The following CHD5 variants were observed in gnomAD, a reference collection of about 807,000 sequenced individuals.
CHD5 encodes the protein chromodomain helicase DNA binding protein 5.
In CHD5, 69 loss-of-function variants were observed where a neutral mutation model predicts 230.3. That is an observed-to-expected ratio of 0.30 (90% CI 0.25 to 0.37). The LOEUF is 0.37. Among genes scored for constraint, CHD5 ranks in the 10% least tolerant of loss-of-function variants. CHD5 has a pLI of 1.00. For missense variants in CHD5, 1,827 were observed against 2,622.8 expected, an observed-to-expected ratio of 0.70 and a Z score of 6.63; for synonymous variants, 1,064 against 1,065.9, an observed-to-expected ratio of 1.00 and a Z score of 0.03.
At position 6,102,743 on chromosome 1, in the gene CHD5, G is replaced by C. The variant is rs1448341024; in HGVS notation, c.*2731C>G. The stretch of plus-strand genomic sequence containing the variant: ...GAGGACTTCAATCATAGGGGGCAGG[G>C]AAAGTCCAGCCTGCCCCTGGGGGAA... On this transcript the variant is annotated 3_prime_UTR_variant, in exon 42 of 42. Coordinates refer to ENST00000262450, the MANE Select transcript of CHD5 (RefSeq NM_015557.3). 6.6e-6 allele frequency: 1 copy of C among 151,504 alleles called. No individual in the cohort carries two copies. Among genetic ancestry groups the C allele is most frequent in the Non-Finnish European group, 1.5e-5 (1 of 67,808 alleles). The allele number at this position is 151,504 out of a possible 1,614,324, so 9.4% of individuals were successfully genotyped here. A position where few individuals can be genotyped will look rare whatever the true frequency, so the allele number is the denominator to read the frequency against.
chr1:6,174,825 G>A (rs1028654211), intron 1 of CHD5, among the ~76,000 whole-genome samples: 6 of 148,454 alleles, frequency 4.0e-5, no homozygotes, highest in Non-Finnish European at 6.0e-5. Flanking sequence ...GAGGATGGAC[G>A]GATGGATAAA....
At position 6,125,644 on chromosome 1, in the gene CHD5, G is replaced by A. The variant is rs370458565; in HGVS notation, c.4172-32C>T. 829 of 1,612,254 alleles carry A rather than the reference G, an allele frequency of 5.1e-4. 20 individuals carry two copies. In the South Asian group the frequency reaches 8.7e-3, roughly 17 times the overall value. On this transcript the variant is annotated intron_variant, in intron 27 of 41. Coordinates refer to ENST00000262450, the MANE Select transcript of CHD5 (RefSeq NM_015557.3). This position sits in a 1 kb window ranked among gnomAD's most constrained non-coding sequence, Gnocchi z 6.7. ...AGCAGCCCGCCACAGTTCCTCAGGTGGGAGCCCAGAGATTCCTGATCCCCA... is the reference window on the plus strand; with the variant it reads ...AGCAGCCCGCCACAGTTCCTCAGGTAGGAGCCCAGAGATTCCTGATCCCCA...
chr1:6,142,701 C>T lies in CHD5; in HGVS notation c.2044-96G>A, dbSNP rs564911801. The T allele has an allele frequency of 4.8e-6, 6 of 1,259,360 alleles. No individual in the cohort carries two copies. Among genetic ancestry groups the T allele is most frequent in the Non-Finnish European group, 6.6e-6 (6 of 912,456 alleles). The allele number at this position is 1,259,360 out of a possible 1,614,324, so 78.0% of individuals were successfully genotyped here. A position where few individuals can be genotyped will look rare whatever the true frequency, so the allele number is the denominator to read the frequency against. On this transcript the variant is annotated intron_variant, in intron 13 of 41. Transcript: ENST00000262450. This position sits in a 1 kb window ranked among gnomAD's most constrained non-coding sequence, Gnocchi z 5.2. ...CACATGCAATTCCTTCTGCCTGGAA[C>T]ACTCTTCCCACTCCTGTCTGTCTTC...
intron 30 of CHD5, among the ~76,000 whole-genome samples, 184 bp downstream of exon 30, chr1:6,124,333 C>T (rs182230890): frequency 6.8e-6 from 1 of 147,570 alleles, no homozygotes; most frequent in East Asian, 2.1e-4. Context: ...ACCATCCTGG[C>T]CTCCACCCCA....
Position 6,145,159 on chromosome 1 carries a change from G to A in CHD5, c.1803-1004C>T, listed in dbSNP as rs138368276. Among the ~76,000 whole-genome samples, 140 of 152,222 alleles carry A rather than the reference G, an allele frequency of 9.2e-4. 2 individuals carry two copies. In the East Asian group the frequency reaches 0.021, roughly 23 times the overall value. Reference sequence around the variant, plus strand: ...GAAGGGGGGCAGTTTTTCAAATTCCGCGACCCTCGTACTGAAGACCACCCA... The same window carrying A: ...GAAGGGGGGCAGTTTTTCAAATTCCACGACCCTCGTACTGAAGACCACCCA... On this transcript the variant is annotated intron_variant, in intron 11 of 41. Coordinates refer to ENST00000262450, the MANE Select transcript of CHD5 (RefSeq NM_015557.3).
In CHD5 at chr1:6,148,681, A is replaced by G. The variant is rs193266365; in HGVS notation, c.1383+173T>C. On this transcript the variant is annotated intron_variant, in intron 9 of 41. Transcript: ENST00000262450. Reference sequence around the variant, plus strand: ...ACGCGGAGAAGGGCGCGAGGAAGCTATTGTGGACGGGGTCTCGAGCAGCGC... The same window carrying G: ...ACGCGGAGAAGGGCGCGAGGAAGCTGTTGTGGACGGGGTCTCGAGCAGCGC... Among the ~76,000 whole-genome samples, 119 of 152,078 alleles carry G rather than the reference A, an allele frequency of 7.8e-4. 1 individual carries two copies. Among genetic ancestry groups the G allele is most frequent in the African/African-American group, 2.7e-3 (113 of 41,502 alleles).
intron 9 of CHD5, among the ~76,000 whole-genome samples, chr1:6,147,404 G>C (rs543778708): frequency 6.6e-6 from 1 of 152,178 alleles, no homozygotes; most frequent in Non-Finnish European, 1.5e-5. Context: ...GTGCGTCTAG[G>C]CTGGGACAAT....
intron 5 of CHD5, among the ~76,000 whole-genome samples, chr1:6,153,648 G>A (rs190267890): frequency 9.2e-5 from 14 of 152,232 alleles, no homozygotes; most frequent in Non-Finnish European, 1.5e-4. Flanking sequence ...TGGCCAACAC[G>A]GTGAAACCCC....
chr1:6,130,318 G>A lies in CHD5; in HGVS notation c.3273C>T (p.Ala1091=). ...EAIDRFNAPG[A]QQFCFLLSTR... is the part of the protein sequence containing the mutation. ...TTGAGAGGAGGAAGCAGAACTGCTG[G>A]GCCCCGGGGGCTGAAAAAGAGAGGC... The change falls in exon 22 of 42, where the codon GCC becomes GCT. Residue 1091 remains alanine, a synonymous_variant. Transcript: ENST00000262450. The surrounding 1 kb of genome is among the most constrained non-coding windows in gnomAD (Gnocchi z 4.9). 3 of 1,613,784 alleles carry A rather than the reference G, an allele frequency of 1.9e-6. No individual in the cohort carries two copies. The highest frequency in any genetic ancestry group is 2.5e-6 in the Non-Finnish European group (3 of 1,179,878).
rs772836833 is a variant in CHD5, at chr1:6,134,679, G to A, written c.3012+39C>T. The A allele has an allele frequency of 5.6e-6, 9 of 1,602,436 alleles. No individual in the cohort carries two copies. Among genetic ancestry groups the A allele is most frequent in the East Asian group, 2.2e-5 (1 of 44,850 alleles). On this transcript the variant is annotated intron_variant, in intron 19 of 41. Coordinates refer to ENST00000262450, the MANE Select transcript of CHD5 (RefSeq NM_015557.3). The surrounding 1 kb of genome is among the most constrained non-coding windows in gnomAD (Gnocchi z 6.3). The stretch of plus-strand genomic sequence containing the variant: ...GGCGGCCACAGGCACCTACCATGGC[G>A]GTCATGGAGAAGCTGCCATGATGGC...
At position 6,160,998 on chromosome 1, in the gene CHD5, G is replaced by A. The variant is rs191446297; in HGVS notation, c.208-1483C>T. ...GGGCATGCGGGGCTTGCCATGCGCA[G>A]GACTGCTGTTAACTGTTTTCGGGGT... On this transcript the variant is annotated intron_variant, in intron 2 of 41. Coordinates refer to ENST00000262450, the MANE Select transcript of CHD5 (RefSeq NM_015557.3). Among the ~76,000 whole-genome samples, 4 of 152,358 alleles carry A rather than the reference G, an allele frequency of 2.6e-5. No individual in the cohort carries two copies. In the East Asian group the frequency reaches 7.7e-4, roughly 29 times the overall value.
At chr1:6,147,784 C>T (rs1158766839) in intron 9 of CHD5, among the ~76,000 whole-genome samples, 2 of 152,186 alleles carry the variant, frequency 1.3e-5, no homozygotes, top group South Asian at 2.1e-4. Flanking sequence ...TCTGGAGGTG[C>T]AAGGTACACC....
intron 38 of CHD5, 101 bp downstream of exon 38, chr1:6,109,694 C>T: frequency 9.7e-7 from 1 of 1,033,530 alleles, no homozygotes; most frequent in Non-Finnish European, 1.5e-6. Context: ...GACATCTGTC[C>T]CCAGCCCCTA....
chr1:6,153,140 A>G (rs11582074), intron 5 of CHD5, among the ~76,000 whole-genome samples: 3 of 152,234 alleles, frequency 2.0e-5, no homozygotes, highest in Non-Finnish European at 4.4e-5. Flanking sequence ...CCACAGAGGC[A>G]GCCTCTCCCC....
rs1284691832 is a variant in CHD5, at chr1:6,131,816, C to T, written c.3145-68G>A. 5.2e-6 allele frequency: 5 copies of T among 957,074 alleles called. No individual in the cohort carries two copies. The highest frequency in any genetic ancestry group is 1.9e-5 in the Admixed American group (1 of 52,162). The allele number at this position is 957,074 out of a possible 1,614,324, so 59.3% of individuals were successfully genotyped here. A position where few individuals can be genotyped will look rare whatever the true frequency, so the allele number is the denominator to read the frequency against. On this transcript the variant is annotated intron_variant, in intron 20 of 41. Transcript: ENST00000262450. The surrounding 1 kb of genome is among the most constrained non-coding windows in gnomAD (Gnocchi z 5.0). ...GGGCCCCATGGGCCATGGGCGGGGA[C>T]CCCGCCACAGGCAGGGGAGGAGAGA...
Position 6,131,608 on chromosome 1 carries a change from AC to A in CHD5, c.3262+22del, listed in dbSNP as rs780199252. On this transcript the variant is annotated intron_variant, in intron 21 of 41. Transcript: ENST00000262450. This position sits in a 1 kb window ranked among gnomAD's most constrained non-coding sequence, Gnocchi z 5.0. ...AGGCCAAAAAGGAGTCTCAATCAGAACCCTTGGGCAGGATGGGGGTACCATT... is the reference window on the plus strand; with the variant it reads ...AGGCCAAAAAGGAGTCTCAATCAGAACCTTGGGCAGGATGGGGGTACCATT... 26 of 1,420,378 alleles carry A rather than the reference AC, an allele frequency of 1.8e-5. No individual in the cohort carries two copies. In the East Asian group the frequency reaches 5.3e-4, roughly 29 times the overall value. 88.0% of individuals were successfully genotyped at this position (1,420,378 alleles called of 1,614,324 possible). A position where few individuals can be genotyped will look rare whatever the true frequency, so the allele number is the denominator to read the frequency against.
intron 33 of CHD5, chr1:6,113,436 C>T (rs1230269228): frequency 3.1e-5 from 10 of 326,004 alleles, no homozygotes; most frequent in Middle Eastern, 4.1e-4. Context: ...AAAAAAACAG[C>T]ACACAGAAGA....
At chr1:6,115,851 T>C (rs749088460) in intron 33 of CHD5, among the ~76,000 whole-genome samples, 1 of 152,222 alleles carries the variant, frequency 6.6e-6, no homozygotes, top group Non-Finnish European at 1.5e-5. Flanking sequence ...TGGTGAGTGC[T>C]GTTTTAAGCC....
chr1:6,170,360 T>G (rs537981619), intron 1 of CHD5, among the ~76,000 whole-genome samples: 1 of 152,258 alleles, frequency 6.6e-6, no homozygotes, highest in African/African-American at 2.4e-5. Flanking sequence ...GCTCCTACCC[T>G]GGGTCTCTGG....
Sources: gnomAD v4.1 joint callset for allele counts (sites outside exome capture counted in the v4.1 genomes callset) on GRCh38, gnomAD v4.1.1 for gene constraint, Gnocchi (gnomAD v3.1) non-coding constraint, MANE v1.5 for transcripts, NCBI Gene and HGNC (gene_info 2026-07-23, HGNC 2026-07-21) for gene names.